DMD: variants seen among roughly 807,000 people sequenced by gnomAD.
DMD encodes mutant dystrophin.
Under a neutral mutation model 330.1 loss-of-function variants are expected in DMD, and 63 were observed. The observed-to-expected ratio is 0.19, with a 90% CI of 0.16 to 0.24. The LOEUF (loss-of-function observed/expected upper bound fraction) is 0.24, where lower values mean the gene tolerates loss of function less well. Ranked by LOEUF, DMD falls within the 10% of genes least tolerant of loss-of-function variation. DMD has a pLI of 1.00. For missense variants in DMD, 3,344 were observed against 2,684.1 expected (o/e 1.25, Z -5.43); for synonymous variants, 1,223 against 959.8 (o/e 1.27, Z -5.07).
At position 31,120,801 on chromosome X, in the gene DMD, A is replaced by ATTGAT. The variant is rs1466340953; in HGVS notation, c.*1113_*1117dup. 1.8e-5 allele frequency: 2 copies of ATTGAT among 110,623 alleles called. No individual in the cohort carries two copies. The highest frequency in any genetic ancestry group is 3.8e-4 in the South Asian group (1 of 2,605). 9.1% of individuals were successfully genotyped at this position (110,623 alleles called of 1,213,427 possible). Reference sequence around the variant, plus strand: ...GTTCACAAGGTCAGAATACCTTCTGATTGATTTCCACTGAAGCATCATTAA... The same window carrying ATTGAT: ...GTTCACAAGGTCAGAATACCTTCTGATTGATTTGATTTCCACTGAAGCATCATTAA... On this transcript the variant is annotated 3_prime_UTR_variant, in exon 79 of 79. Transcript: ENST00000357033.
rs1020491642 is a variant in DMD, at chrX:32,021,565, A to T, written c.6439-53051T>A. Among the ~76,000 whole-genome samples the T allele has an allele frequency of 2.7e-5, 3 of 112,159 alleles. No individual in the cohort carries two copies. The Admixed American group carries it at 2.8e-4, about 11-fold the overall frequency. On this transcript the variant is annotated intron_variant, in intron 44 of 78. Coordinates refer to ENST00000357033, the MANE Select transcript of DMD (RefSeq NM_004006.3). The stretch of plus-strand genomic sequence containing the variant: ...TTATTCTTTAAACCTGTGCTGTCCA[A>T]CACGGTAGCCATTAGCCACCTGTGG...
At chrX:32,470,315 G>A (rs939264607) in intron 22 of DMD, among the ~76,000 whole-genome samples, 2 of 110,511 alleles carry the variant, frequency 1.8e-5, no homozygotes, top group African/African-American at 3.3e-5. Flanking sequence ...TGTTTCCATC[G>A]ATTTTTATGC....
At chrX:32,673,814 A>G (rs1025681982) in intron 9 of DMD, among the ~76,000 whole-genome samples, 1 of 112,208 alleles carries the variant, frequency 8.9e-6, no homozygotes, top group Non-Finnish European at 1.9e-5. Context: ...GAGGCCTCTT[A>G]AAGATGTCAA....
chrX:32,422,163 T>C (rs774320671), intron 29 of DMD, among the ~76,000 whole-genome samples: 1 of 111,429 alleles, frequency 9.0e-6, no homozygotes, highest in East Asian at 2.8e-4. Context: ...AAATTACTGG[T>C]CCACAGTGGG....
intron 50 of DMD, among the ~76,000 whole-genome samples, chrX:31,777,107 A>G (rs5972445): frequency 0.12 from 13,441 of 111,722 alleles, 606 homozygotes; most frequent in South Asian, 0.18. Context: ...AATGTGCAGT[A>G]AGCTCTTTAG....
Position 32,864,919 on chromosome X carries a change from G to A in DMD, c.94-15099C>T, listed in dbSNP as rs113500421. Among the ~76,000 whole-genome samples the A allele has an allele frequency of 2.8e-3, 310 of 112,019 alleles. 1 individual carries two copies. Among genetic ancestry groups the A allele is most frequent in the African/African-American group, 9.5e-3 (293 of 30,912 alleles). On this transcript the variant is annotated intron_variant, in intron 2 of 78. Coordinates refer to ENST00000357033, the MANE Select transcript of DMD (RefSeq NM_004006.3). Reference sequence around the variant, plus strand: ...GTAAACAGAAGAAAAAGTTTAACTAGGGCATTTAGTGTAGCCATTTCTTAA... The same window carrying A: ...GTAAACAGAAGAAAAAGTTTAACTAAGGCATTTAGTGTAGCCATTTCTTAA...
At chrX:31,967,126 G>C (rs1470634590) in intron 45 of DMD, among the ~76,000 whole-genome samples, 1 of 110,484 alleles carries the variant, frequency 9.1e-6, no homozygotes, top group Non-Finnish European at 1.9e-5. Context: ...GTATGATTAA[G>C]AGAAGAATTT....
chrX:32,860,789 T>G (rs1210385246), intron 2 of DMD, among the ~76,000 whole-genome samples: 1 of 110,909 alleles, frequency 9.0e-6, no homozygotes, highest in Non-Finnish European at 1.9e-5. Flanking sequence ...ACACCCCCTA[T>G]GTGGAAGCTC....
chrX:31,556,426 A>C (rs886332628), intron 55 of DMD, among the ~76,000 whole-genome samples: 5 of 107,536 alleles, frequency 4.6e-5, no homozygotes, highest in Non-Finnish European at 7.7e-5. Flanking sequence ...GGGGAAAAAC[A>C]CCTCGGAGTT....
intron 3 of DMD, among the ~76,000 whole-genome samples, chrX:32,847,060 T>C (rs1260027087): frequency 9.0e-6 from 1 of 111,635 alleles, no homozygotes; most frequent in African/African-American, 3.3e-5. Context: ...TTCTTGTGTA[T>C]ATATAGATTG....
chrX:31,804,678 C>T (rs1405541212), intron 50 of DMD, among the ~76,000 whole-genome samples: 2 of 111,479 alleles, frequency 1.8e-5, no homozygotes, highest in Non-Finnish European at 3.8e-5. Context: ...CTCACCCATT[C>T]CCAACCCCAA....
intron 55 of DMD, among the ~76,000 whole-genome samples, chrX:31,611,117 G>A (rs2077889861): frequency 9.2e-6 from 1 of 109,092 alleles, no homozygotes; most frequent in African/African-American, 3.3e-5. Flanking sequence ...AGCTGAAAGG[G>A]CCATAAGCAA....
chrX:32,230,474 T>C (rs1050825562), intron 43 of DMD, among the ~76,000 whole-genome samples: 2 of 111,639 alleles, frequency 1.8e-5, no homozygotes, highest in Non-Finnish European at 3.8e-5. Flanking sequence ...CTCGATCTCC[T>C]GACCTCGTGA....
chrX:32,657,011 A>G (rs372665980), intron 9 of DMD, among the ~76,000 whole-genome samples: 24 of 100,792 alleles, frequency 2.4e-4, no homozygotes, highest in African/African-American at 5.3e-4. Flanking sequence ...ACCAACTTAT[A>G]TGTGTGTGTG....
chrX:32,070,189 G>A lies in DMD; in HGVS notation c.6439-101675C>T, dbSNP rs187325958. On this transcript the variant is annotated intron_variant, in intron 44 of 78. Coordinates refer to ENST00000357033, the MANE Select transcript of DMD (RefSeq NM_004006.3). ...CCAATCGGATGGCTAGGAAGCAGGC[G>A]CTCTCCCCACCCCGCTCAAACTGCT... Among the ~76,000 whole-genome samples, 3 of 110,965 alleles carry A rather than the reference G, an allele frequency of 2.7e-5. No individual in the cohort carries two copies. In the East Asian group the frequency reaches 8.6e-4, roughly 32 times the overall value.
chrX:33,119,982 C>T (rs1279694022), intron 1 of DMD, among the ~76,000 whole-genome samples: 1 of 111,823 alleles, frequency 8.9e-6, no homozygotes, highest in Non-Finnish European at 1.9e-5. Context: ...TGTTTCCTTT[C>T]GATCCACCTC....
intron 44 of DMD, among the ~76,000 whole-genome samples, chrX:32,139,219 T>C (rs746761677): frequency 1.3e-4 from 15 of 112,221 alleles, no homozygotes; most frequent in Non-Finnish European, 2.6e-4. Flanking sequence ...TCTCAACATG[T>C]TCACATCATC....
chrX:32,377,815 A>G (rs1415099688), intron 34 of DMD, among the ~76,000 whole-genome samples: 1 of 111,395 alleles, frequency 9.0e-6, no homozygotes, highest in Non-Finnish European at 1.9e-5. Flanking sequence ...ATAAATATAT[A>G]CACCCAGTAT....
intron 51 of DMD, among the ~76,000 whole-genome samples, chrX:31,750,179 T>C (rs2088382966): frequency 9.1e-6 from 1 of 110,312 alleles, no homozygotes; most frequent in East Asian, 2.9e-4. Context: ...TTGGCTTTTG[T>C]TGCCCTTGCT....
Sources: allele counts gnomAD v4.1 joint callset (sites outside exome capture counted in the v4.1 genomes callset), GRCh38; gene constraint gnomAD v4.1.1; transcripts MANE v1.5; gene names NCBI Gene and HGNC (gene_info 2026-07-23, HGNC 2026-07-21).